SP140L: variants seen among roughly 807,000 people sequenced by gnomAD.
The protein encoded by SP140L is SP140 like nuclear body protein.
In SP140L, 64 loss-of-function variants were observed where a neutral mutation model predicts 84.3. The ratio of observed to expected loss-of-function variants is 0.76; its 90% CI spans 0.62 to 0.94. The LOEUF is 0.94. SP140L is among the 40% of genes least tolerant of loss of function. SP140L has a pLI of 0.00. For synonymous variants in SP140L, 242 were observed against 236.9 expected, an observed-to-expected ratio of 1.02 and a Z score of -0.20; for missense variants, 628 against 692.5, an observed-to-expected ratio of 0.91 and a Z score of 1.05.
chr2:230,392,214 A>C lies in SP140L; in HGVS notation c.1092A>C (p.Leu364=). Residue 364 remains leucine (L), a synonymous_variant, in exon 12 of 19, where the codon CTA becomes CTC. Coordinates refer to ENST00000415673, the MANE Select transcript of SP140L (RefSeq NM_138402.6). The part of the protein sequence containing the change: ...RLSVRCGGWP[L]RRLMEEGSLP... ...GTGTGCGCTGTGGCGGGTGGCCCCT[A>C]CGACGGCTGATGGAGGTATTCCAAT... The C allele has an allele frequency of 6.2e-7, 1 of 1,613,974 alleles. No individual in the cohort carries two copies. The highest frequency in any genetic ancestry group is 8.5e-7 in the Non-Finnish European group (1 of 1,179,914).
chr2:230,334,384 G>A (rs1490211014), intron 2 of SP140L, among the ~76,000 whole-genome samples: 5 of 152,170 alleles, frequency 3.3e-5, no homozygotes, highest in Non-Finnish European at 7.3e-5. Flanking sequence ...CCTGGTTCCT[G>A]CTGCTTTTCT....
chr2:230,395,402 T>C (rs1196509183), intron 13 of SP140L, among the ~76,000 whole-genome samples: 1 of 151,894 alleles, frequency 6.6e-6, no homozygotes, highest in Non-Finnish European at 1.5e-5. Context: ...CATCGTGAGA[T>C]ATCATCTCTA....
intron 7 of SP140L, among the ~76,000 whole-genome samples, chr2:230,380,622 T>C (rs1244663353): frequency 6.6e-6 from 1 of 152,222 alleles, no homozygotes; most frequent in African/African-American, 2.4e-5. Flanking sequence ...GTTCCTTATA[T>C]CCTTTCTGGT....
chr2:230,329,980 T>C lies in SP140L; in HGVS notation c.107+1149T>C, dbSNP rs189375514. 3.3e-5 allele frequency among the ~76,000 whole-genome samples: 5 copies of C among 152,354 alleles called. No individual in the cohort carries two copies. In the East Asian group the frequency reaches 9.6e-4, roughly 29 times the overall value. On this transcript the variant is annotated intron_variant, in intron 2 of 18. Transcript: ENST00000415673. ...TCATGGTTTTTCTTTTTTAGGTTTT[T>C]GTGCAATGTTAAGAACTTTGGGATA...
At chr2:230,385,154 C>G in intron 8 of SP140L, 70 bp from the exon 9 acceptor site, 1 of 1,495,122 alleles carries the variant, frequency 6.7e-7, no homozygotes, top group Admixed American at 1.8e-5. Context: ...CCCTCACTTG[C>G]GTTTGGTCCA....
intron 15 of SP140L, 58 bp downstream of exon 15, chr2:230,400,300 C>T (rs1418307384): frequency 2.0e-5 from 30 of 1,530,282 alleles, no homozygotes; most frequent in African/African-American, 9.6e-5. Context: ...ACCTGCCATG[C>T]GCACTCTCCA....
Position 230,334,834 on chromosome 2 carries a change from A to C in SP140L, c.107+6003A>C, listed in dbSNP as rs114534059. Among the ~76,000 whole-genome samples, 432 of 152,088 alleles carry C rather than the reference A, an allele frequency of 2.8e-3. 2 individuals are homozygous for C. Among genetic ancestry groups the C allele is most frequent in the African/African-American group, 9.8e-3 (408 of 41,494 alleles). On this transcript the variant is annotated intron_variant, in intron 2 of 18. Transcript: ENST00000415673. ...TGTCTGTGTGTAGGTGTGGGGTGAA[A>C]TGTAGTTTAGGGTAAGTCTGCAAGC... is the stretch of plus-strand genomic sequence containing the variant.
chr2:230,395,819 T>A (rs2062023920), intron 13 of SP140L, among the ~76,000 whole-genome samples: 1 of 152,180 alleles, frequency 6.6e-6, no homozygotes, highest in African/African-American at 2.4e-5. Flanking sequence ...CCAAAAGCAA[T>A]CTAAATAAAT....
rs61137014 is a variant in SP140L, at chr2:230,370,252, AT to A, written c.524-649del. ...CAGGCGTGATTATTGGAGCGGGTAT[AT>A]TTTTTTCCAGAGAGCACTTCACCTT... On this transcript the variant is annotated intron_variant, in intron 5 of 18. Transcript: ENST00000415673. 7.6e-4 allele frequency among the ~76,000 whole-genome samples: 116 copies of A among 152,182 alleles called. 1 individual carries two copies. The Middle Eastern group carries it at 0.01, about 13-fold the overall frequency.
chr2:230,402,520 A>T (rs1161031623), intron 18 of SP140L, among the ~76,000 whole-genome samples: 3 of 152,270 alleles, frequency 2.0e-5, no homozygotes, highest in African/African-American at 4.8e-5. Flanking sequence ...TGTATTTCAC[A>T]CTTCAACATT....
chr2:230,390,050 G>T, intron 11 of SP140L, 27 bp downstream of exon 11: 1 of 1,579,126 alleles, frequency 6.3e-7, no homozygotes, highest in Non-Finnish European at 8.7e-7. Flanking sequence ...TCTTTAATTT[G>T]CAGCTCCTAT....
At chr2:230,402,405 C>A (rs115832437) in intron 18 of SP140L, among the ~76,000 whole-genome samples, 2,345 of 152,342 alleles carry the variant, frequency 0.015, 25 homozygotes, top group Middle Eastern at 0.027. Context: ...AAGAAAGGAT[C>A]ATGCTGGTGA....
chr2:230,358,981 T>C lies in SP140L; in HGVS notation c.288T>C (p.Cys96=), dbSNP rs754696670. 5.0e-6 allele frequency: 8 copies of C among 1,586,572 alleles called. No individual in the cohort carries two copies. The highest frequency in any genetic ancestry group is 6.0e-6 in the Non-Finnish European group (7 of 1,172,326). Reference sequence around the variant, plus strand: ...TTTTAAAGGATTCTGAAGATTCTTGTAGAAACCTGGTCCCTGTACAAAGAG... The same window carrying C: ...TTTTAAAGGATTCTGAAGATTCTTGCAGAAACCTGGTCCCTGTACAAAGAG... The part of the protein sequence containing the change: ...NKMFEDSEDS[C]RNLVPVQRVV... The change falls in exon 4 of 19, where the codon TGT becomes TGC. Residue 96 remains cysteine, a synonymous_variant. Coordinates refer to ENST00000415673, the MANE Select transcript of SP140L (RefSeq NM_138402.6).
At chr2:230,379,455 C>A (rs1265391321) in intron 7 of SP140L, among the ~76,000 whole-genome samples, 1 of 152,102 alleles carries the variant, frequency 6.6e-6, no homozygotes, top group African/African-American at 2.4e-5. Flanking sequence ...AAATTGAATA[C>A]CCCATCTCTA....
intron 12 of SP140L, 69 bp from the exon 13 acceptor site, chr2:230,393,345 G>C: frequency 6.7e-7 from 1 of 1,502,180 alleles, no homozygotes; most frequent in Non-Finnish European, 8.9e-7. Context: ...TTGGGAAGAG[G>C]TTGGAAATGC....
intron 5 of SP140L, among the ~76,000 whole-genome samples, chr2:230,367,303 T>C (rs1023955164): frequency 3.1e-4 from 45 of 145,736 alleles, no homozygotes; most frequent in Admixed American, 7.5e-4. Flanking sequence ...TTCTTTTTTT[T>C]TTTTTTTGAG....
intron 2 of SP140L, among the ~76,000 whole-genome samples, chr2:230,345,182 T>C (rs1057098535): frequency 5.3e-5 from 8 of 152,362 alleles, no homozygotes; most frequent in African/African-American, 1.2e-4. Context: ...GGTATTCCAA[T>C]GCTATTGTCA....
chr2:230,385,361 G>A, intron 9 of SP140L, 57 bp downstream of exon 9: 1 of 1,523,856 alleles, frequency 6.6e-7, no homozygotes, highest in Non-Finnish European at 9.1e-7. Context: ...CACATGTTGA[G>A]GTTTTGAGGA....
intron 2 of SP140L, among the ~76,000 whole-genome samples, chr2:230,356,994 T>C (rs1298885660): frequency 6.6e-6 from 1 of 152,136 alleles, no homozygotes; most frequent in Non-Finnish European, 1.5e-5. Flanking sequence ...TCTGGTTGGA[T>C]AAAAAGAGCT....
Sources: gnomAD v4.1 joint callset for allele counts (sites outside exome capture counted in the v4.1 genomes callset) on GRCh38, gnomAD v4.1.1 for gene constraint, MANE v1.5 for transcripts, NCBI Gene and HGNC (gene_info 2026-07-23, HGNC 2026-07-21) for gene names.